The following PPP3CA variants were observed in gnomAD, a reference collection of about 807,000 sequenced individuals.
PPP3CA encodes CAM-PRP catalytic subunit.
In PPP3CA, 14 loss-of-function variants were observed where a neutral mutation model predicts 66.5. The ratio of observed to expected loss-of-function variants is 0.21; its 90% CI spans 0.14 to 0.33. The LOEUF (loss-of-function observed/expected upper bound fraction) is 0.33. Among genes scored for constraint, PPP3CA ranks in the 10% least tolerant of loss-of-function variants. The pLI is 1.00. For synonymous variants in PPP3CA, 232 were observed against 226.2 expected, an observed-to-expected ratio of 1.03 and a Z score of -0.23; for missense variants, 317 against 639.5, an observed-to-expected ratio of 0.50 and a Z score of 5.44.
At chr4:101,340,824 G>A (rs1729790507) in intron 1 of PPP3CA, among the ~76,000 whole-genome samples, 1 of 152,128 alleles carries the variant, frequency 6.6e-6, no homozygotes, top group Admixed American at 6.5e-5. Context: ...CATCAAATCT[G>A]AAGATTTTGT....
intron 2 of PPP3CA, among the ~76,000 whole-genome samples, chr4:101,180,254 C>G (rs1310109220): frequency 6.6e-6 from 1 of 152,070 alleles, no homozygotes; most frequent in African/African-American, 2.4e-5. Flanking sequence ...CAAAAGTGTA[C>G]CAGTTTGAAG....
chr4:101,135,964 T>C (rs898977188), intron 2 of PPP3CA, among the ~76,000 whole-genome samples: 6 of 152,242 alleles, frequency 3.9e-5, no homozygotes, highest in African/African-American at 4.8e-5. Flanking sequence ...TGTTCTCATA[T>C]GTAAAACTGA....
chr4:101,049,532 GTCATAA>G (rs1055342010), intron 10 of PPP3CA, among the ~76,000 whole-genome samples: 48 of 152,134 alleles, frequency 3.2e-4, no homozygotes, highest in African/African-American at 1.2e-3. Flanking sequence ...AAGGGAAGCA[GTCATAA>G]TGCCTGGATG....
At chr4:101,146,468 A>G (rs1464978222) in intron 2 of PPP3CA, among the ~76,000 whole-genome samples, 1 of 151,192 alleles carries the variant, frequency 6.6e-6, no homozygotes. Context: ...TTTTAAATGG[A>G]GTCTCGCTCT....
chr4:101,169,753 C>T (rs952573955), intron 2 of PPP3CA, among the ~76,000 whole-genome samples: 6 of 149,832 alleles, frequency 4.0e-5, no homozygotes, highest in Non-Finnish European at 7.4e-5. Flanking sequence ...TTTTTTACTG[C>T]TGACTCTTAT....
At chr4:101,089,486 C>T (rs77200059) in intron 6 of PPP3CA, among the ~76,000 whole-genome samples, 3 of 152,270 alleles carry the variant, frequency 2.0e-5, no homozygotes, top group East Asian at 1.9e-4. Flanking sequence ...TTCAAAATCA[C>T]TGTCAAGATG....
At chr4:101,205,751 C>A (rs1725112224) in intron 1 of PPP3CA, among the ~76,000 whole-genome samples, 1 of 152,062 alleles carries the variant, frequency 6.6e-6, no homozygotes, top group Admixed American at 6.6e-5. Flanking sequence ...TTCAAAGGGT[C>A]TTAATAAAAT....
chr4:101,248,045 C>A (rs933539664), intron 1 of PPP3CA, among the ~76,000 whole-genome samples: 1 of 152,130 alleles, frequency 6.6e-6, no homozygotes, highest in African/African-American at 2.4e-5. Flanking sequence ...CGGAAAGGAG[C>A]TTGGAAACAG....
At chr4:101,181,991 G>A (rs924472442) in intron 2 of PPP3CA, among the ~76,000 whole-genome samples, 7 of 152,066 alleles carry the variant, frequency 4.6e-5, no homozygotes, top group African/African-American at 1.7e-4. Flanking sequence ...TTACTCTTAA[G>A]TTGTCATACT....
chr4:101,344,214 T>C (rs565534160), intron 1 of PPP3CA, among the ~76,000 whole-genome samples: 3 of 152,348 alleles, frequency 2.0e-5, no homozygotes, highest in Middle Eastern at 3.4e-3. Context: ...CTTGTTAATA[T>C]GTTTCACATC....
chr4:101,298,764 G>T (rs987082389), intron 1 of PPP3CA, among the ~76,000 whole-genome samples: 1 of 151,936 alleles, frequency 6.6e-6, no homozygotes, highest in Non-Finnish European at 1.5e-5. Flanking sequence ...AAGTCTGGGG[G>T]GAGTTAAAAC....
intron 8 of PPP3CA, among the ~76,000 whole-genome samples, chr4:101,067,763 C>T (rs898233413): frequency 6.6e-6 from 1 of 150,584 alleles, no homozygotes; most frequent in African/African-American, 2.4e-5. Context: ...CATGTATACG[C>T]ATGTAACAAA....
chr4:101,239,426 T>C (rs1362668268), intron 1 of PPP3CA, among the ~76,000 whole-genome samples: 4 of 152,080 alleles, frequency 2.6e-5, no homozygotes, highest in African/African-American at 7.2e-5. Flanking sequence ...AACTGAATTT[T>C]GAAATTCTGT....
chr4:101,235,692 GT>G (rs1332713136), intron 1 of PPP3CA, among the ~76,000 whole-genome samples: 4 of 151,756 alleles, frequency 2.6e-5, no homozygotes, highest in African/African-American at 9.7e-5. Flanking sequence ...ATTGATATCT[GT>G]CTTGTGGAAT....
rs183772881 is a variant in PPP3CA at position 101,219,260 on chromosome 4, T to C, written c.59-23144A>G. 2.0e-3 allele frequency among the ~76,000 whole-genome samples: 298 copies of C among 152,098 alleles called. 2 individuals carry two copies. Among genetic ancestry groups the C allele is most frequent in the Admixed American group, 0.013 (191 of 15,240 alleles). The stretch of plus-strand genomic sequence containing the variant: ...ATTCTTCTACTTAATAGTTAACAGA[T>C]TGCATGCTTCACAATTTAATAAAAT... On this transcript the variant is annotated intron_variant, in intron 1 of 13. Coordinates refer to ENST00000394854, the MANE Select transcript of PPP3CA (RefSeq NM_000944.5).
chr4:101,255,336 C>T (rs1436206461), intron 1 of PPP3CA, among the ~76,000 whole-genome samples: 4 of 151,844 alleles, frequency 2.6e-5, no homozygotes, highest in South Asian at 2.1e-4. Context: ...CTACTGTTGT[C>T]GTTAGCTTTT....
chr4:101,071,187 G>A (rs1438181060), intron 8 of PPP3CA, among the ~76,000 whole-genome samples: 1 of 152,090 alleles, frequency 6.6e-6, no homozygotes, highest in African/African-American at 2.4e-5. Flanking sequence ...TTTTGAAACT[G>A]GTGTTATCAC....
At chr4:101,039,403 T>A (rs1379594685) in intron 11 of PPP3CA, among the ~76,000 whole-genome samples, 1 of 145,140 alleles carries the variant, frequency 6.9e-6, no homozygotes, top group Non-Finnish European at 1.5e-5. Flanking sequence ...ACTTATGGCA[T>A]GAATGAATAA....
chr4:101,288,356 G>A (rs1372938416), intron 1 of PPP3CA, among the ~76,000 whole-genome samples: 1 of 152,022 alleles, frequency 6.6e-6, no homozygotes, highest in Non-Finnish European at 1.5e-5. Context: ...TTTTACTGAG[G>A]CAAAATTAAT....
Sources: gnomAD v4.1 joint callset for allele counts (sites outside exome capture counted in the v4.1 genomes callset) on GRCh38, gnomAD v4.1.1 for gene constraint, MANE v1.5 for transcripts, NCBI Gene and HGNC (gene_info 2026-07-23, HGNC 2026-07-21) for gene names.